NAALADL2: variants seen among roughly 807,000 people sequenced by gnomAD.
NAALADL2 encodes inactive N-acetylated-alpha-linked acidic dipeptidase-like protein 2.
In NAALADL2, 76 loss-of-function variants were observed where a neutral mutation model predicts 87.2. That is an observed-to-expected ratio of 0.87 (90% confidence interval 0.72 to 1.05). NAALADL2 has a LOEUF of 1.05. Ranked by LOEUF, NAALADL2 falls within the 50% of genes least tolerant of loss-of-function variation. The pLI, the probability that NAALADL2 is intolerant of heterozygous loss-of-function variation, is 0.00. For missense variants in NAALADL2, 1,089 were observed against 945.8 expected, an observed-to-expected ratio of 1.15 and a Z score of -1.99; for synonymous variants, 354 against 331.0, an observed-to-expected ratio of 1.07 and a Z score of -0.75.
rs1461350566 is a variant in NAALADL2 at position 175,582,833 on chromosome 3, AT to A, written c.1800+6648del. On this transcript the variant is annotated intron_variant, in intron 10 of 13. Transcript: ENST00000454872. ...TCCATTTAACCAACACGCAGAACTGATTGACAATTTCCACTCCTTTAAAACG... is the reference window on the plus strand; with the variant it reads ...TCCATTTAACCAACACGCAGAACTGATGACAATTTCCACTCCTTTAAAACG... Among the ~76,000 whole-genome samples, 3 of 152,326 alleles carry A rather than the reference AT, an allele frequency of 2.0e-5. No homozygotes were observed. The East Asian group carries it at 5.8e-4, about 29-fold the overall frequency.
intron 3 of NAALADL2, among the ~76,000 whole-genome samples, chr3:174,805,441 C>G (rs1719352802): frequency 6.6e-6 from 1 of 151,810 alleles, no homozygotes; most frequent in South Asian, 2.1e-4. Context: ...TGGTTGATGC[C>G]CAGTATTGCC....
intron 2 of NAALADL2, among the ~76,000 whole-genome samples, chr3:174,670,720 A>G (rs977476588): frequency 6.6e-6 from 1 of 152,114 alleles, no homozygotes; most frequent in Non-Finnish European, 1.5e-5. Context: ...ATAATTCAAC[A>G]TAATATATTC....
chr3:174,576,504 T>G (rs1012137985), intron 2 of NAALADL2, among the ~76,000 whole-genome samples: 1 of 152,232 alleles, frequency 6.6e-6, no homozygotes, highest in South Asian at 2.1e-4. Context: ...CTAATATTTC[T>G]ATTTAGATAT....
At chr3:175,329,518 T>A (rs1430578944) in intron 5 of NAALADL2, among the ~76,000 whole-genome samples, 1 of 152,226 alleles carries the variant, frequency 6.6e-6, no homozygotes, top group Non-Finnish European at 1.5e-5. Context: ...CTAAATCAAC[T>A]AAGACAATGT....
intron 2 of NAALADL2, among the ~76,000 whole-genome samples, chr3:175,169,234 C>G (rs1284229273): frequency 1.3e-5 from 2 of 151,576 alleles, no homozygotes; most frequent in African/African-American, 4.8e-5. Flanking sequence ...TTTTTGTCAT[C>G]AGTTTACTAA....
At chr3:174,811,738 A>G (rs866310266) in intron 3 of NAALADL2, among the ~76,000 whole-genome samples, 4 of 152,166 alleles carry the variant, frequency 2.6e-5, no homozygotes, top group African/African-American at 7.2e-5. Context: ...TGAGAAGGAC[A>G]TGAGATTTAG....
At chr3:175,511,510 C>T (rs1179843775) in intron 9 of NAALADL2, among the ~76,000 whole-genome samples, 1 of 152,138 alleles carries the variant, frequency 6.6e-6, no homozygotes, top group Non-Finnish European at 1.5e-5. Context: ...GAAGAAATGC[C>T]CCAGAAGAGA....
chr3:174,838,578 TG>T (rs1303892345), intron 3 of NAALADL2, among the ~76,000 whole-genome samples: 2 of 152,162 alleles, frequency 1.3e-5, no homozygotes, highest in Non-Finnish European at 2.9e-5. Context: ...ATAATATGAT[TG>T]TTTACCTAGA....
intron 3 of NAALADL2, among the ~76,000 whole-genome samples, chr3:175,245,052 C>T (rs2109677450): frequency 1.3e-5 from 2 of 152,226 alleles, no homozygotes; most frequent in South Asian, 4.1e-4. Context: ...TTAATACCCT[C>T]TTTCTTGGAC....
intron 2 of NAALADL2, among the ~76,000 whole-genome samples, chr3:174,582,725 G>A (rs1233092967): frequency 2.0e-5 from 3 of 151,874 alleles, no homozygotes; most frequent in Non-Finnish European, 4.4e-5. Context: ...GGGATTACAG[G>A]CACACGCCAC....
In NAALADL2 at chr3:175,805,603, C is replaced by G. The variant is rs1437114987; in HGVS notation, c.*2400C>G. 6.6e-6 allele frequency: 1 copy of G among 151,708 alleles called. No homozygotes were observed. The highest frequency in any genetic ancestry group is 1.5e-5 in the Non-Finnish European group (1 of 67,842). The allele number at this position is 151,708 out of a possible 1,614,324, so 9.4% of individuals were successfully genotyped here. Reference sequence around the variant, plus strand: ...TTTCACTCCCCTCCCCTCCCCACCCCCAATAGATTCAAATAAATAAAATCC... The same window carrying G: ...TTTCACTCCCCTCCCCTCCCCACCCGCAATAGATTCAAATAAATAAAATCC... On this transcript the variant is annotated 3_prime_UTR_variant, in exon 14 of 14. Transcript: ENST00000454872.
intron 6 of NAALADL2, chr3:175,460,271 ACT>A: frequency 2.3e-6 from 1 of 442,776 alleles, no homozygotes; most frequent in South Asian, 1.6e-5. Flanking sequence ...AAATAAACAG[ACT>A]CTATGCATAT....
At chr3:175,578,744 C>T (rs1293219573) in intron 10 of NAALADL2, among the ~76,000 whole-genome samples, 1 of 152,144 alleles carries the variant, frequency 6.6e-6, no homozygotes, top group East Asian at 1.9e-4. Context: ...AGCCCAAGGG[C>T]AAGAGATAGT....
chr3:175,232,289 G>A (rs956811341), intron 2 of NAALADL2, among the ~76,000 whole-genome samples: 1 of 151,882 alleles, frequency 6.6e-6, no homozygotes, highest in African/African-American at 2.4e-5. Context: ...AAGAAAGCAT[G>A]AATAGGAGTA....
chr3:174,690,784 A>G (rs1282307865), intron 2 of NAALADL2, among the ~76,000 whole-genome samples: 2 of 152,160 alleles, frequency 1.3e-5, no homozygotes, highest in Non-Finnish European at 2.9e-5. Flanking sequence ...AGAATTCTTA[A>G]TGTAAATATC....
At chr3:174,700,087 A>G (rs1201932620) in intron 2 of NAALADL2, among the ~76,000 whole-genome samples, 2 of 150,034 alleles carry the variant, frequency 1.3e-5, no homozygotes, top group Non-Finnish European at 2.9e-5. Flanking sequence ...GATTTCTCTT[A>G]ATTATTCTGA....
chr3:175,061,487 A>G (rs1713471261), intron 1 of NAALADL2, among the ~76,000 whole-genome samples: 1 of 152,102 alleles, frequency 6.6e-6, no homozygotes, highest in Non-Finnish European at 1.5e-5. Flanking sequence ...TCAAATGCAC[A>G]ACTTCATAGT....
At chr3:174,837,545 G>A (rs1428721043) in intron 3 of NAALADL2, among the ~76,000 whole-genome samples, 1 of 152,182 alleles carries the variant, frequency 6.6e-6, no homozygotes, top group Non-Finnish European at 1.5e-5. Context: ...TGTAATCCCA[G>A]CACTTTGGGA....
At chr3:175,434,823 G>A (rs1304060187) in intron 5 of NAALADL2, among the ~76,000 whole-genome samples, 1 of 151,964 alleles carries the variant, frequency 6.6e-6, no homozygotes, top group African/African-American at 2.4e-5. Flanking sequence ...CATGTAATGT[G>A]CAGATGGCCA....
Sources: gnomAD v4.1 joint callset for allele counts (sites outside exome capture counted in the v4.1 genomes callset) on GRCh38, gnomAD v4.1.1 for gene constraint, MANE v1.5 for transcripts, NCBI Gene and HGNC (gene_info 2026-07-23, HGNC 2026-07-21) for gene names.